Variants in LECT2 observed in about 807,000 individuals in gnomAD.
LECT2 encodes the protein leukocyte cell derived chemotaxin 2, also known as leukocyte cell-derived chemotaxin-2.
LECT2 carries 11 observed loss-of-function variants against 16.6 expected under a neutral mutation model. The ratio of observed to expected loss-of-function variants is 0.66; its 90% CI spans 0.42 to 1.09. The LOEUF (loss-of-function observed/expected upper bound fraction) is 1.09, where lower values mean the gene tolerates loss of function less well. Ranked by LOEUF, LECT2 falls within the 50% of genes least tolerant of loss-of-function variation. The probability of loss-of-function intolerance (pLI) is 0.00; values close to 1 mark genes in which losing one functional copy is unlikely to be tolerated. For synonymous variants in LECT2, 54 were observed against 64.8 expected (o/e 0.83, Z 0.80); for missense variants, 173 against 184.2 (o/e 0.94, Z 0.35).
chr5:135,950,134 A>G (rs141269655), intron 3 of LECT2, among the ~76,000 whole-genome samples: 1 of 152,320 alleles, frequency 6.6e-6, no homozygotes, highest in African/African-American at 2.4e-5. Flanking sequence ...ATAGGAATGC[A>G]TATATATGTT....
intron 3 of LECT2, 105 bp downstream of exon 3, chr5:135,951,118 T>A (rs1300081103): frequency 8.7e-7 from 1 of 1,149,070 alleles, no homozygotes; most frequent in East Asian, 2.4e-5. Context: ...CCAGGTTTTA[T>A]CATTTTGAAA....
chr5:135,947,417 A>G lies in LECT2; in HGVS notation c.370T>C (p.Leu124=), dbSNP rs775267243. Residue 124 remains leucine (L), a synonymous_variant, in exon 4 of 4, where the codon TTG becomes CTG. Transcript: ENST00000274507. ...IKKGEKLGTL[L]PLQKVYPGIQ... is the part of the protein sequence containing the mutation. Reference sequence around the variant, plus strand: ...CCAGGATAAACTTTCTGCAAGGGCAATAGAGTTCCAAGTTTTTCTCCCTTC... The same window carrying G: ...CCAGGATAAACTTTCTGCAAGGGCAGTAGAGTTCCAAGTTTTTCTCCCTTC... The G allele has an allele frequency of 2.5e-6, 4 of 1,614,008 alleles. No homozygotes were observed. The highest frequency in any genetic ancestry group is 4.5e-5 in the East Asian group (2 of 44,882).
rs1180043451 is a variant in LECT2 at position 135,952,892 on chromosome 5, C to T, written c.122G>A (p.Cys41Tyr). Residue 41 changes from cysteine (C) to tyrosine (Y), a missense_variant, in exon 2 of 4, where the codon TGT becomes TAT. Transcript: ENST00000274507. ...ATACCTTTGAGCAGAGTACTGTCCA[C>T]AGCCATGGCGGTCACACGTCCGGAT... The part of the protein sequence containing the change: ...NEIRTCDRHG[C>Y]GQYSAQRSQR... 1.2e-6 allele frequency: 2 copies of T among 1,613,502 alleles called. No individual in the cohort carries two copies. The highest frequency in any genetic ancestry group is 2.7e-5 in the African/African-American group (2 of 74,930).
At chr5:135,953,004 T>C (rs754495690) in intron 1 of LECT2, 37 bp from the exon 2 acceptor site, 2 of 1,401,178 alleles carry the variant, frequency 1.4e-6, no homozygotes, top group Non-Finnish European at 2.0e-6. Flanking sequence ...GCTCCTGGCC[T>C]CAGACATTTC....
chr5:135,949,757 T>A (rs770590626), intron 3 of LECT2, among the ~76,000 whole-genome samples: 1 of 152,214 alleles, frequency 6.6e-6, no homozygotes, highest in Non-Finnish European at 1.5e-5. Context: ...TTATTGGGAA[T>A]TGGGACCCAT....
Position 135,947,417 on chromosome 5 carries a change from A to C in LECT2, c.370T>G (p.Leu124Val), listed in dbSNP as rs775267243. The change falls in exon 4 of 4, where the codon TTG becomes GTG. Residue 124 changes from leucine to valine, a missense_variant. Coordinates refer to ENST00000274507, the MANE Select transcript of LECT2 (RefSeq NM_002302.3). Reference sequence around the variant, plus strand: ...CCAGGATAAACTTTCTGCAAGGGCAATAGAGTTCCAAGTTTTTCTCCCTTC... The same window carrying C: ...CCAGGATAAACTTTCTGCAAGGGCACTAGAGTTCCAAGTTTTTCTCCCTTC... ...IKKGEKLGTL[L>V]PLQKVYPGIQ... is the part of the protein sequence containing the mutation. The C allele has an allele frequency of 5.6e-6, 9 of 1,614,126 alleles. No homozygotes were observed. The Middle Eastern group carries it at 6.6e-4, about 118-fold the overall frequency.
chr5:135,953,108 C>T (rs960044682), intron 1 of LECT2, 141 bp from the exon 2 acceptor site: 18 of 568,828 alleles, frequency 3.2e-5, no homozygotes, highest in South Asian at 1.2e-4. Flanking sequence ...ATGGGAAGAT[C>T]GTCCTTCCAG....
At chr5:135,953,976 G>A (rs1763828149) in intron 1 of LECT2, among the ~76,000 whole-genome samples, 2 of 152,162 alleles carry the variant, frequency 1.3e-5, no homozygotes, top group Non-Finnish European at 2.9e-5. Context: ...GGCACAATTT[G>A]TTTCTTTACT....
chr5:135,954,655 T>A (rs565134635), intron 1 of LECT2, 133 bp downstream of exon 1: 5 of 660,292 alleles, frequency 7.6e-6, no homozygotes, highest in African/African-American at 3.6e-5. Flanking sequence ...TCATTCCTAT[T>A]TCATTTTTAA....
intron 3 of LECT2, among the ~76,000 whole-genome samples, chr5:135,949,065 C>T (rs887740475): frequency 3.3e-5 from 5 of 152,004 alleles, no homozygotes; most frequent in African/African-American, 4.8e-5. Flanking sequence ...GTAGGTTTTA[C>T]GAATAAATAT....
chr5:135,949,458 C>G (rs1002380151), intron 3 of LECT2, among the ~76,000 whole-genome samples: 35 of 152,280 alleles, frequency 2.3e-4, no homozygotes, highest in African/African-American at 8.4e-4. Flanking sequence ...CTATATTTAC[C>G]ACCTGACTCT....
chr5:135,948,549 CAAT>C (rs981941562), intron 3 of LECT2, among the ~76,000 whole-genome samples: 22 of 151,662 alleles, frequency 1.5e-4, no homozygotes, highest in African/African-American at 3.4e-4. Flanking sequence ...TAAAATATCT[CAAT>C]AATTTTTGTA....
intron 3 of LECT2, among the ~76,000 whole-genome samples, chr5:135,948,765 C>T (rs535032092): frequency 6.6e-6 from 1 of 151,684 alleles, no homozygotes; most frequent in African/African-American, 2.4e-5. Context: ...GGCTCCGCCT[C>T]CCGGGTTCAC....
chr5:135,950,908 C>T (rs548353047), intron 3 of LECT2: 2 of 389,460 alleles, frequency 5.1e-6, no homozygotes, highest in African/African-American at 2.1e-5. Context: ...TTGAAAGTGC[C>T]TCAGCTGGGA....
chr5:135,948,244 C>T (rs1180937587), intron 3 of LECT2, among the ~76,000 whole-genome samples: 1 of 152,176 alleles, frequency 6.6e-6, no homozygotes, highest in Non-Finnish European at 1.5e-5. Flanking sequence ...GAAGATATAA[C>T]AGTTACAACT....
chr5:135,949,118 A>C (rs1013651396), intron 3 of LECT2, among the ~76,000 whole-genome samples: 2 of 152,264 alleles, frequency 1.3e-5, no homozygotes, highest in African/African-American at 2.4e-5. Flanking sequence ...AAACTACAAC[A>C]ACCATTAATA....
chr5:135,954,057 G>A (rs1056252134), intron 1 of LECT2, among the ~76,000 whole-genome samples: 6 of 152,176 alleles, frequency 3.9e-5, no homozygotes, highest in African/African-American at 1.2e-4. Context: ...TTCACAGAGA[G>A]ATACAGTGAG....
chr5:135,952,127 C>T (rs1229193842), intron 2 of LECT2, among the ~76,000 whole-genome samples: 3 of 152,228 alleles, frequency 2.0e-5, no homozygotes, highest in Non-Finnish European at 2.9e-5. Context: ...GCAGTATAAG[C>T]TGAGTCTGAA....
At chr5:135,952,733 A>C (rs1350826490) in intron 2 of LECT2, 138 bp downstream of exon 2, 2 of 612,270 alleles carry the variant, frequency 3.3e-6, no homozygotes, top group Non-Finnish European at 3.0e-6. Flanking sequence ...CTCCAAAGAC[A>C]GTGATGTAAC....
Sources: allele counts gnomAD v4.1 joint callset (sites outside exome capture counted in the v4.1 genomes callset), GRCh38; gene constraint gnomAD v4.1.1; transcripts MANE v1.5; gene names NCBI Gene and HGNC (gene_info 2026-07-23, HGNC 2026-07-21).